GK: variants seen among roughly 807,000 people sequenced by gnomAD.
GK encodes ATP:glycerol 3-phosphotransferase.
In GK, 9 loss-of-function variants were observed where a neutral mutation model predicts 56.4. That is an observed-to-expected ratio of 0.16 (90% confidence interval 0.10 to 0.28). The LOEUF (loss-of-function observed/expected upper bound fraction) is 0.28. Among genes scored for constraint, GK ranks in the 10% least tolerant of loss-of-function variants. The probability of loss-of-function intolerance (pLI) is 1.00; values close to 1 mark genes in which losing one functional copy is unlikely to be tolerated. For synonymous variants in GK, 104 were observed against 144.1 expected (o/e 0.72, Z 1.99); for missense variants, 161 against 431.4 (o/e 0.37, Z 5.55).
intron 4 of GK, among the ~76,000 whole-genome samples, chrX:30,687,242 A>G (rs1458755381): frequency 2.7e-5 from 3 of 111,672 alleles, no homozygotes; most frequent in Non-Finnish European, 5.6e-5. Flanking sequence ...TTTTCTAATT[A>G]GGATGCATAT....
At chrX:30,655,262 A>G (rs1932172533) in intron 1 of GK, among the ~76,000 whole-genome samples, 1 of 112,490 alleles carries the variant, frequency 8.9e-6, no homozygotes, top group African/African-American at 3.2e-5. Context: ...GGATTTGATT[A>G]ATACATAATA....
chrX:30,671,501 T>G (rs1474138530), intron 3 of GK: 1 of 111,447 alleles, frequency 9.0e-6, no homozygotes, highest in Non-Finnish European at 1.9e-5. Context: ...AAACCACTTC[T>G]GTTTTTATTT....
chrX:30,668,215 C>T (rs1349695352), intron 3 of GK, 97 bp downstream of exon 3: 2 of 544,708 alleles, frequency 3.7e-6, no homozygotes, highest in Non-Finnish European at 6.4e-6. Flanking sequence ...TATGCAGTGC[C>T]AAGCATTTCT....
At chrX:30,705,152 G>A (rs1437402524) in intron 11 of GK, among the ~76,000 whole-genome samples, 8 of 111,742 alleles carry the variant, frequency 7.2e-5, no homozygotes, top group Non-Finnish European at 1.3e-4. Flanking sequence ...AATAAATGGG[G>A]GATAAGTGAT....
At chrX:30,720,812 A>G (rs756245330) in intron 17 of GK, 40 bp from the exon 18 acceptor site, 19 of 1,210,238 alleles carry the variant, frequency 1.6e-5, no homozygotes, top group Non-Finnish European at 2.1e-5. Flanking sequence ...CTTTGGGCAT[A>G]TGTAACCACA....
intron 13 of GK, among the ~76,000 whole-genome samples, chrX:30,715,415 A>G (rs1936567244): frequency 8.9e-6 from 1 of 112,092 alleles, no homozygotes; most frequent in African/African-American, 3.2e-5. Flanking sequence ...AATTTAATTT[A>G]TTATTCTTTA....
intron 4 of GK, among the ~76,000 whole-genome samples, chrX:30,680,803 GCCAAGGGTGGGGATGAGTGTTGGTAAAAT>G (rs1934237978): frequency 9.0e-6 from 1 of 111,709 alleles, no homozygotes; most frequent in South Asian, 3.8e-4. Context: ...GTCAAGGGCT[GCCAAGGGTGGGGATGAGTGTTGGTAAAAT>G]CCCAGACTTT....
intron 1 of GK, among the ~76,000 whole-genome samples, chrX:30,663,509 A>T (rs758394128): frequency 1.8e-5 from 2 of 111,214 alleles, no homozygotes; most frequent in Non-Finnish European, 3.8e-5. Flanking sequence ...CTAGAGACAT[A>T]CCCTAATGCT....
chrX:30,724,056 G>A, intron 18 of GK, 45 bp from the exon 19 acceptor site: 1 of 800,450 alleles, frequency 1.2e-6, no homozygotes, highest in Non-Finnish European at 1.9e-6. Flanking sequence ...GAACATCTCA[G>A]CAAACTACCT....
rs770827898 is a variant in GK, at chrX:30,654,703, A to T, written c.78+1088A>T. 9.9e-5 allele frequency among the ~76,000 whole-genome samples: 11 copies of T among 111,404 alleles called. 1 individual carries two copies. In the South Asian group the frequency reaches 4.1e-3, roughly 42 times the overall value. Reference sequence around the variant, plus strand: ...ACACCACTGCACTCCAGCCTGGGCAATCCAGCCTAGCCAACAGAGCGAGAC... The same window carrying T: ...ACACCACTGCACTCCAGCCTGGGCATTCCAGCCTAGCCAACAGAGCGAGAC... On this transcript the variant is annotated intron_variant, in intron 1 of 20. Coordinates refer to ENST00000427190, the MANE Select transcript of GK (RefSeq NM_001205019.2).
intron 5 of GK, among the ~76,000 whole-genome samples, 193 bp downstream of exon 5, chrX:30,691,392 A>G (rs1934919865): frequency 9.1e-6 from 1 of 110,358 alleles, no homozygotes; most frequent in Admixed American, 9.7e-5. Context: ...GATTGGAACA[A>G]TAATAACACA....
chrX:30,682,723 C>T (rs1177715385), intron 4 of GK, among the ~76,000 whole-genome samples: 1 of 111,823 alleles, frequency 8.9e-6, no homozygotes, highest in Non-Finnish European at 1.9e-5. Flanking sequence ...ACTTTTTTCT[C>T]TGTCTCGGTT....
At chrX:30,668,607 A>G (rs12560212) in intron 3 of GK, among the ~76,000 whole-genome samples, 23,731 of 111,188 alleles carry the variant, frequency 0.21, 1,882 homozygotes, top group Admixed American at 0.28. Context: ...GAAGACTAAA[A>G]ATGTTGAGCA....
intron 1 of GK, among the ~76,000 whole-genome samples, chrX:30,663,906 A>G (rs761045168): frequency 1.0e-5 from 1 of 98,898 alleles, no homozygotes; most frequent in South Asian, 4.3e-4. Flanking sequence ...CATGGAAACA[A>G]TATATATGAA....
At chrX:30,674,848 A>T (rs1006204934) in intron 3 of GK, among the ~76,000 whole-genome samples, 5 of 111,930 alleles carry the variant, frequency 4.5e-5, no homozygotes, top group Non-Finnish European at 9.4e-5. Flanking sequence ...GTCAATCTGC[A>T]TTGGATAAAT....
chrX:30,682,737 G>T lies in GK; in HGVS notation c.337+5285G>T, dbSNP rs769087127. Among the ~76,000 whole-genome samples the T allele has an allele frequency of 6.3e-5, 7 of 111,475 alleles. 1 individual carries two copies. The South Asian group carries it at 2.7e-3, about 42-fold the overall frequency. ...TACTTTTTTCTCTGTCTCGGTTCAG[G>T]CTGCTTTAACAAAAATATCATAGAC... On this transcript the variant is annotated intron_variant, in intron 4 of 20. Coordinates refer to ENST00000427190, the MANE Select transcript of GK (RefSeq NM_001205019.2).
At chrX:30,667,953 A>G in intron 2 of GK, 59 bp from the exon 3 acceptor site, 1 of 655,959 alleles carries the variant, frequency 1.5e-6, no homozygotes, top group Non-Finnish European at 2.6e-6. Context: ...ACATTTCTAT[A>G]GAAAAAAGTT....
At chrX:30,713,793 CT>C (rs1243661176) in intron 13 of GK, among the ~76,000 whole-genome samples, 1 of 111,896 alleles carries the variant, frequency 8.9e-6, no homozygotes, top group African/African-American at 3.3e-5. Flanking sequence ...CCTTGTTCCT[CT>C]TCTTTTTCCA....
At chrX:30,689,217 T>C (rs761030325) in intron 4 of GK, among the ~76,000 whole-genome samples, 3 of 112,070 alleles carry the variant, frequency 2.7e-5, no homozygotes, top group Admixed American at 1.9e-4. Context: ...TTCTACTTTT[T>C]CTAGTTATTT....
Sources: gnomAD v4.1 joint callset for allele counts (sites outside exome capture counted in the v4.1 genomes callset) on GRCh38, gnomAD v4.1.1 for gene constraint, MANE v1.5 for transcripts, NCBI Gene and HGNC (gene_info 2026-07-23, HGNC 2026-07-21) for gene names.